Variants in ADGB observed in about 807,000 individuals in gnomAD.
ADGB encodes the protein androglobin.
A neutral mutation model predicts 210.5 loss-of-function variants in ADGB; 172 were observed. The ratio of observed to expected loss-of-function variants is 0.82; its 90% CI spans 0.72 to 0.93. ADGB has a LOEUF of 0.93. Among genes scored for constraint, ADGB ranks in the 40% least tolerant of loss-of-function variants. ADGB has a pLI of 0.00. For synonymous variants in ADGB, 658 were observed against 662.7 expected, an observed-to-expected ratio of 0.99 and a Z score of 0.11; for missense variants, 2,025 against 1,964.8, an observed-to-expected ratio of 1.03 and a Z score of -0.58.
chr6:146,747,670 C>T (rs1777259408), intron 26 of ADGB, among the ~76,000 whole-genome samples: 1 of 151,742 alleles, frequency 6.6e-6, no homozygotes, highest in Non-Finnish European at 1.5e-5. Flanking sequence ...AGCAAGGGGA[C>T]TCTTTAAAGG....
rs897803749 is a variant in ADGB, at chr6:146,658,434, G to T, written c.612+1454G>T. On this transcript the variant is annotated intron_variant, in intron 5 of 35. Transcript: ENST00000397944. ...TTGAGGGAGTATAGAAAGAAGGTAC[G>T]CAGAGGAAAAGCGAGGAGATAAAAT... Among the ~76,000 whole-genome samples, 7 of 152,058 alleles carry T rather than the reference G, an allele frequency of 4.6e-5. No homozygotes were observed. In the East Asian group the frequency reaches 1.4e-3, roughly 29 times the overall value.
intron 5 of ADGB, among the ~76,000 whole-genome samples, chr6:146,663,943 A>C (rs1176284069): frequency 6.6e-6 from 1 of 152,136 alleles, no homozygotes; most frequent in African/African-American, 2.4e-5. Context: ...AGGGACTCCC[A>C]AGACTTTGTT....
At chr6:146,724,047 G>A (rs2114574922) in intron 17 of ADGB, 139 bp from the exon 18 acceptor site, 1 of 712,896 alleles carries the variant, frequency 1.4e-6, no homozygotes, top group Middle Eastern at 3.8e-4. Context: ...AATTTCTAAT[G>A]TTTTATGAAC....
chr6:146,653,110 G>A (rs1450304637), intron 3 of ADGB, among the ~76,000 whole-genome samples: 1 of 152,056 alleles, frequency 6.6e-6, no homozygotes, highest in African/African-American at 2.4e-5. Context: ...TGAACTGCGT[G>A]TGCATGTGAG....
chr6:146,725,560 T>G (rs1324449901), intron 18 of ADGB: 1 of 152,332 alleles, frequency 6.6e-6, no homozygotes, highest in African/African-American at 2.4e-5. Flanking sequence ...ATGGAAATAT[T>G]GTCTTTTGTG....
intron 6 of ADGB, 105 bp downstream of exon 6, chr6:146,664,445 G>T: frequency 3.3e-6 from 4 of 1,212,064 alleles, no homozygotes; most frequent in Non-Finnish European, 4.4e-6. Flanking sequence ...CTAAAAGACA[G>T]CTTTTTCCCC....
chr6:146,655,774 C>T (rs1471717807), intron 4 of ADGB, among the ~76,000 whole-genome samples: 1 of 152,080 alleles, frequency 6.6e-6, no homozygotes, highest in Non-Finnish European at 1.5e-5. Flanking sequence ...AAATATTCTA[C>T]AATAAATTTT....
intron 1 of ADGB, among the ~76,000 whole-genome samples, chr6:146,627,100 T>G (rs1462608572): frequency 6.6e-6 from 1 of 152,220 alleles, no homozygotes; most frequent in Non-Finnish European, 1.5e-5. Flanking sequence ...TTGTCTCTAC[T>G]TAACATTTTG....
chr6:146,606,852 T>C (rs1780635185), intron 1 of ADGB, among the ~76,000 whole-genome samples: 2 of 152,200 alleles, frequency 1.3e-5, no homozygotes. Flanking sequence ...CCAGCTTTGT[T>C]CTTTTTGCAT....
intron 1 of ADGB, among the ~76,000 whole-genome samples, chr6:146,604,059 A>C (rs1780598720): frequency 6.6e-6 from 1 of 152,172 alleles, no homozygotes; most frequent in African/African-American, 2.4e-5. Flanking sequence ...ACTGTCAACA[A>C]CCCAAGGATC....
At chr6:146,747,247 C>A (rs542922240) in intron 26 of ADGB, among the ~76,000 whole-genome samples, 2 of 152,138 alleles carry the variant, frequency 1.3e-5, no homozygotes, top group Non-Finnish European at 2.9e-5. Flanking sequence ...CTTCTCTGCA[C>A]AGAAAATTTG....
intron 25 of ADGB, among the ~76,000 whole-genome samples, chr6:146,742,786 A>G (rs1777178806): frequency 6.6e-6 from 1 of 152,166 alleles, no homozygotes; most frequent in South Asian, 2.1e-4. Context: ...AGCTTGTCCA[A>G]CCTGCGGCCC....
intron 35 of ADGB, among the ~76,000 whole-genome samples, chr6:146,804,807 C>T (rs1778187108): frequency 6.6e-6 from 1 of 152,100 alleles, no homozygotes; most frequent in Admixed American, 6.6e-5. Context: ...GTAACAAAAC[C>T]CCCAATATCA....
Position 146,664,424 on chromosome 6 carries a change from T to G in ADGB, c.752+84T>G, listed in dbSNP as rs555740455. 1.3e-5 allele frequency: 18 copies of G among 1,343,086 alleles called. No homozygotes were observed. In the East Asian group the frequency reaches 4.9e-4, roughly 37 times the overall value. 83.2% of individuals were successfully genotyped at this position (1,343,086 alleles called of 1,614,324 possible). On this transcript the variant is annotated intron_variant, in intron 6 of 35. Coordinates refer to ENST00000397944, the MANE Select transcript of ADGB (RefSeq NM_024694.4). ...ACATTTGTATTGCATAATTTATTTTTTTAAAATTAGCTAAAAGACAGCTTT... is the reference window on the plus strand; with the variant it reads ...ACATTTGTATTGCATAATTTATTTTGTTAAAATTAGCTAAAAGACAGCTTT...
intron 16 of ADGB, among the ~76,000 whole-genome samples, chr6:146,717,984 C>A (rs1034942189): frequency 2.0e-5 from 3 of 151,988 alleles, no homozygotes; most frequent in Non-Finnish European, 2.9e-5. Context: ...CATTTTTTCC[C>A]CCGTATCATC....
chr6:146,763,736 G>T (rs1777533191), intron 27 of ADGB, among the ~76,000 whole-genome samples, 165 bp from the exon 28 acceptor site: 1 of 152,104 alleles, frequency 6.6e-6, no homozygotes, highest in Admixed American at 6.6e-5. Flanking sequence ...TATTATAATA[G>T]ATTTCCTTAA....
intron 2 of ADGB, among the ~76,000 whole-genome samples, chr6:146,644,192 T>C (rs1775570539): frequency 6.6e-6 from 1 of 151,844 alleles, no homozygotes; most frequent in South Asian, 2.1e-4. Context: ...GATGTTACAA[T>C]TGGAGAAATT....
intron 5 of ADGB, among the ~76,000 whole-genome samples, chr6:146,661,487 G>A (rs571825230): frequency 2.1e-4 from 32 of 151,250 alleles, no homozygotes; most frequent in African/African-American, 7.3e-4. Context: ...CAAAGTGTTG[G>A]GATTACAGGT....
At chr6:146,787,653 TTTCCTA>T (rs1777893174) in intron 32 of ADGB, among the ~76,000 whole-genome samples, 2 of 115,046 alleles carry the variant, frequency 1.7e-5, no homozygotes, top group African/African-American at 6.9e-5. Context: ...TCTTAAGTAC[TTTCCTA>T]TTGCCACCTT....
Sources: allele counts gnomAD v4.1 joint callset (sites outside exome capture counted in the v4.1 genomes callset), GRCh38; gene constraint gnomAD v4.1.1; transcripts MANE v1.5; gene names NCBI Gene and HGNC (gene_info 2026-07-23, HGNC 2026-07-21).